GTF3C2: variants seen among roughly 807,000 people sequenced by gnomAD.
GTF3C2 encodes general transcription factor 3C polypeptide 2.
In GTF3C2, 17 loss-of-function variants were observed where a neutral mutation model predicts 117.4. The ratio of observed to expected loss-of-function variants is 0.14; its 90% confidence interval spans 0.10 to 0.22. The LOEUF (loss-of-function observed/expected upper bound fraction) is 0.22. Ranked by LOEUF, GTF3C2 falls within the 10% of genes least tolerant of loss-of-function variation. The pLI is 1.00. For missense variants in GTF3C2, 888 were observed against 1,143.6 expected, an observed-to-expected ratio of 0.78 and a Z score of 3.22; for synonymous variants, 437 against 427.0, an observed-to-expected ratio of 1.02 and a Z score of -0.29.
At chr2:27,344,230 G>A (rs1680840530) in intron 1 of GTF3C2, among the ~76,000 whole-genome samples, 1 of 151,970 alleles carries the variant, frequency 6.6e-6, no homozygotes, top group Non-Finnish European at 1.5e-5. Context: ...CACCATGTGG[G>A]CCAGGCTGGT....
chr2:27,355,517 T>C (rs1224416178), intron 1 of GTF3C2, among the ~76,000 whole-genome samples: 1 of 144,316 alleles, frequency 6.9e-6, no homozygotes, highest in Non-Finnish European at 1.5e-5. Flanking sequence ...CAAAACTCCG[T>C]ATCAAAAAAA....
chr2:27,349,214 T>G (rs1475485242), intron 1 of GTF3C2, among the ~76,000 whole-genome samples: 1 of 147,060 alleles, frequency 6.8e-6, no homozygotes, highest in South Asian at 2.2e-4. Context: ...GTGGCGCGAT[T>G]TCGGCTCACT....
chr2:27,349,708 G>A (rs972927583), intron 1 of GTF3C2, among the ~76,000 whole-genome samples: 3 of 151,396 alleles, frequency 2.0e-5, no homozygotes, highest in East Asian at 1.9e-4. Context: ...GCGTGATCTC[G>A]GCTCACTGCA....
exon 7 of GTF3C2, chr2:27,337,276 T>C: frequency 6.2e-7 from 1 of 1,612,730 alleles, no homozygotes; most frequent in South Asian, 1.1e-5. Context: ...CATCTTCAGG[T>C]AGCCCTTCAC....
intron 12 of GTF3C2, among the ~76,000 whole-genome samples, chr2:27,330,765 A>C (rs2148252983): frequency 6.6e-6 from 1 of 152,348 alleles, no homozygotes; most frequent in African/African-American, 2.4e-5. Context: ...GTTTGAGACC[A>C]GCCTGAACAA....
chr2:27,353,804 C>G (rs543018955), intron 1 of GTF3C2, among the ~76,000 whole-genome samples: 9 of 152,266 alleles, frequency 5.9e-5, no homozygotes, highest in African/African-American at 2.2e-4. Context: ...CTCACTGCAC[C>G]TTGACCTCCT....
chr2:27,331,918 G>A (rs1680284153), intron 12 of GTF3C2, among the ~76,000 whole-genome samples: 2 of 152,094 alleles, frequency 1.3e-5, no homozygotes, highest in African/African-American at 4.8e-5. Context: ...CAGCCTGGGT[G>A]ACAGAGTGAG....
intron 10 of GTF3C2, chr2:27,335,343 G>A (rs1386952914): frequency 3.2e-6 from 2 of 618,470 alleles, no homozygotes; most frequent in Non-Finnish European, 6.2e-6. Context: ...CAGCAAGAGG[G>A]GGAAAGTCTT....
exon 19 of GTF3C2, chr2:27,326,683 T>C: frequency 1.2e-6 from 2 of 1,612,480 alleles, no homozygotes; most frequent in Non-Finnish European, 1.7e-6. Flanking sequence ...GGCTAGGGAG[T>C]GGGCAGAAGG....
intron 17 of GTF3C2, among the ~76,000 whole-genome samples, chr2:27,327,652 G>C (rs1243399039): frequency 7.4e-6 from 1 of 135,820 alleles, no homozygotes; most frequent in Non-Finnish European, 1.6e-5. Flanking sequence ...TTTTTGAGAC[G>C]GAGTCTTGCT....
chr2:27,356,190 G>C, intron 1 of GTF3C2: 7 of 888,976 alleles, frequency 7.9e-6, no homozygotes, highest in Non-Finnish European at 1.1e-5. Context: ...AAAAGGACTA[G>C]ACAGGGAAAC....
At chr2:27,338,862 C>A (rs1347125817) in intron 4 of GTF3C2, among the ~76,000 whole-genome samples, 1 of 150,384 alleles carries the variant, frequency 6.6e-6, no homozygotes, top group Admixed American at 6.6e-5. Context: ...GAGACAGGGT[C>A]TTGCTGTGTT....
exon 2 of GTF3C2, chr2:27,343,310 G>C (rs757621159): frequency 6.2e-7 from 1 of 1,613,744 alleles, no homozygotes; most frequent in Non-Finnish European, 8.5e-7. Flanking sequence ...GTACATACCT[G>C]GCTGTTCCAG....
chr2:27,332,412 ATTATTT>A (rs1680306115), intron 12 of GTF3C2, among the ~76,000 whole-genome samples: 2 of 151,442 alleles, frequency 1.3e-5, no homozygotes, highest in African/African-American at 4.9e-5. Context: ...TAAAAATTTT[ATTATTT>A]TTAGTTTTTT....
rs1680763146 is a variant in GTF3C2, at chr2:27,342,247, C to G, written c.570-14G>C. On this transcript the variant is annotated splice_polypyrimidine_tract_variant and intron_variant, in intron 3 of 18. Coordinates refer to ENST00000264720, the Ensembl canonical transcript of GTF3C2. ...TACAGAAGTGCCCTGTGGGAACGGA[C>G]AGAGTCAGAGCCATTCTCACATATG... is the stretch of plus-strand genomic sequence containing the variant. 10 of 1,597,638 alleles carry G rather than the reference C, an allele frequency of 6.3e-6. No individual in the cohort carries two copies. The East Asian group carries it at 2.2e-4, about 36-fold the overall frequency.
intron 1 of GTF3C2, chr2:27,350,396 AACACTT>A (rs1681088471): frequency 1.0e-6 from 1 of 985,090 alleles, no homozygotes; most frequent in Admixed American, 6.2e-5. Flanking sequence ...CAAGCTGAAA[AACACTT>A]GCATAAATAA....
At chr2:27,327,924 C>T in intron 17 of GTF3C2, 113 bp downstream of exon 17, 3 of 832,790 alleles carry the variant, frequency 3.6e-6, no homozygotes, top group Non-Finnish European at 5.6e-6. Flanking sequence ...CTGCACCTGG[C>T]CGAGGCTCCT....
chr2:27,352,694 G>A (rs942051458), intron 1 of GTF3C2, among the ~76,000 whole-genome samples: 1 of 152,062 alleles, frequency 6.6e-6, no homozygotes, highest in African/African-American at 2.4e-5. Flanking sequence ...AAAAGTTTAA[G>A]ATATAAATAA....
At chr2:27,353,170 A>C (rs1016459107) in intron 1 of GTF3C2, among the ~76,000 whole-genome samples, 1 of 152,152 alleles carries the variant, frequency 6.6e-6, no homozygotes, top group Non-Finnish European at 1.5e-5. Flanking sequence ...TGAGGTGAGC[A>C]GATCATGAGG....
Sources: gnomAD v4.1 joint callset for allele counts (sites outside exome capture counted in the v4.1 genomes callset) on GRCh38, gnomAD v4.1.1 for gene constraint, MANE v1.5 for transcripts, NCBI Gene and HGNC (gene_info 2026-07-23, HGNC 2026-07-21) for gene names.